The following LSM14A variants were observed in gnomAD, a reference collection of about 807,000 sequenced individuals.
The protein encoded by LSM14A is LSM14A mRNA processing body assembly factor.
A neutral mutation model predicts 52.4 loss-of-function variants in LSM14A; 14 were observed. That is an observed-to-expected ratio of 0.27 (90% confidence interval 0.18 to 0.42). The LOEUF (loss-of-function observed/expected upper bound fraction) is 0.42, where lower values mean the gene tolerates loss of function less well. Ranked by LOEUF, LSM14A falls within the 10% of genes least tolerant of loss-of-function variation. The pLI is 1.00. For synonymous variants in LSM14A, 185 were observed against 200.3 expected (o/e 0.92, Z 0.64); for missense variants, 417 against 581.8 (o/e 0.72, Z 2.91).
intron 1 of LSM14A, among the ~76,000 whole-genome samples, chr19:34,192,316 G>GTTTTTTTTTTTTTTTTTTTTTTTTTTTTT (rs1306000214): frequency 3.3e-4 from 22 of 65,768 alleles, no homozygotes; most frequent in Non-Finnish European, 4.9e-4. Flanking sequence ...CATTCTTTTT[G>GTTTTTTTTTTTTTTTTTTTTTTTTTTTTT]TTGTTTTTTT....
intron 3 of LSM14A, chr19:34,208,684 T>TA (rs2071892413): frequency 5.7e-6 from 2 of 353,480 alleles, no homozygotes; most frequent in Non-Finnish European, 1.0e-5. Flanking sequence ...CTCCATGTGT[T>TA]ATAAACATTG....
At chr19:34,175,074 A>G (rs1288345610) in intron 1 of LSM14A, among the ~76,000 whole-genome samples, 1 of 152,214 alleles carries the variant, frequency 6.6e-6, no homozygotes, top group Non-Finnish European at 1.5e-5. Flanking sequence ...AGTTAAATTC[A>G]TATGACATAA....
chr19:34,198,906 G>A (rs2071075238), intron 3 of LSM14A, among the ~76,000 whole-genome samples: 1 of 151,870 alleles, frequency 6.6e-6, no homozygotes, highest in Admixed American at 6.6e-5. Context: ...AGCATGGCGT[G>A]AACCCAGGAG....
intron 5 of LSM14A, 92 bp from the exon 6 acceptor site, chr19:34,215,504 T>C: frequency 1.6e-6 from 2 of 1,239,436 alleles, no homozygotes; most frequent in East Asian, 2.3e-5. Context: ...TTGTTTTGGG[T>C]TTTTTGGTTT....
Position 34,227,500 on chromosome 19 carries a change from A to G in LSM14A, c.*112A>G. 1.2e-6 allele frequency: 1 copy of G among 803,094 alleles called. No homozygotes were observed. Among genetic ancestry groups the G allele is most frequent in the South Asian group, 2.0e-5 (1 of 51,166 alleles). The allele number at this position is 803,094 out of a possible 1,614,324, so 49.7% of individuals were successfully genotyped here. On this transcript the variant is annotated 3_prime_UTR_variant, in exon 10 of 10. Coordinates refer to ENST00000544216, the MANE Select transcript of LSM14A (RefSeq NM_015578.4). ...GTGAATTCGCTGTACATTTGTCACC[A>G]GCACTGGGTTTTTGTTTTTTGTTTG...
intron 4 of LSM14A, among the ~76,000 whole-genome samples, chr19:34,210,054 A>G (rs2072020030): frequency 6.6e-6 from 1 of 151,804 alleles, no homozygotes; most frequent in South Asian, 2.1e-4. Flanking sequence ...AGAAATGGGT[A>G]TTTTTGGCTC....
intron 1 of LSM14A, among the ~76,000 whole-genome samples, chr19:34,188,957 T>C (rs947383035): frequency 6.6e-6 from 1 of 152,176 alleles, no homozygotes; most frequent in African/African-American, 2.4e-5. Context: ...TACAAGTTTC[T>C]GTGTGAACAT....
chr19:34,226,474 A>C (rs1375221973), intron 9 of LSM14A: 1 of 1,523,666 alleles, frequency 6.6e-7, no homozygotes, highest in Non-Finnish European at 8.8e-7. Flanking sequence ...GGTAAAAAAA[A>C]CAAATACTTT....
chr19:34,196,643 G>T lies in LSM14A; in HGVS notation c.295G>T (p.Gly99Cys). The T allele has an allele frequency of 6.2e-7, 1 of 1,610,452 alleles. No homozygotes were observed. Among genetic ancestry groups the T allele is most frequent in the Non-Finnish European group, 8.5e-7 (1 of 1,178,914 alleles). The change falls in exon 3 of 10, where the codon GGC (glycine) becomes TGC (cysteine). Residue 99 changes from glycine (G) to cysteine (C), a missense_variant. Physicochemically the swap from Gly to Cys is radical, Grantham distance 159. Coordinates refer to ENST00000544216, the MANE Select transcript of LSM14A (RefSeq NM_015578.4). The stretch of plus-strand genomic sequence containing the variant: ...CATGATTTTCCTTCAGTCCTCACTA[G>T]GCTCATCGACTTCTTCATTCCAGTC... ...QDPAIVQSSL[G>C]SSTSSFQSMG... is the part of the protein sequence containing the mutation.
chr19:34,220,922 T>C (rs2073015850), intron 8 of LSM14A, among the ~76,000 whole-genome samples: 1 of 152,224 alleles, frequency 6.6e-6, no homozygotes, highest in Non-Finnish European at 1.5e-5. Context: ...AATCTCATTA[T>C]ATCTGAATTT....
At position 34,192,316 on chromosome 19, in the gene LSM14A, G is replaced by GGTTTTTTT. The variant is rs1341848304; in HGVS notation, c.122-2162_122-2161insGTTTTTTT. On this transcript the variant is annotated intron_variant, in intron 1 of 9. Transcript: ENST00000544216. ...TTTACACTGAAATAACATTCTTTTTGTTGTTTTTTTTTTTTTTTTTTTTTT... is the reference window on the plus strand; with the variant it reads ...TTTACACTGAAATAACATTCTTTTTGGTTTTTTTTTGTTTTTTTTTTTTTTTTTTTTTT... Among the ~76,000 whole-genome samples the GGTTTTTTT allele has an allele frequency of 7.6e-5, 5 of 65,782 alleles. No individual in the cohort carries two copies. In the South Asian group the frequency reaches 1.3e-3, roughly 18 times the overall value. The allele number at this position is 65,782 out of a possible 152,430, so 43.2% of individuals were successfully genotyped here. A position where few individuals can be genotyped will look rare whatever the true frequency, so the allele number is the denominator to read the frequency against.
intron 1 of LSM14A, among the ~76,000 whole-genome samples, chr19:34,179,320 T>TGACTA (rs1446404672): frequency 6.6e-6 from 1 of 152,240 alleles, no homozygotes; most frequent in African/African-American, 2.4e-5. Flanking sequence ...CATAAACTAT[T>TGACTA]ACCTTATTGG....
At chr19:34,213,719 G>C (rs2072339930) in intron 4 of LSM14A, among the ~76,000 whole-genome samples, 1 of 152,170 alleles carries the variant, frequency 6.6e-6, no homozygotes. Context: ...GCTGTGACCA[G>C]GCGACCTCAT....
At chr19:34,219,177 A>C (rs919613987) in intron 6 of LSM14A, among the ~76,000 whole-genome samples, 3 of 152,200 alleles carry the variant, frequency 2.0e-5, no homozygotes, top group Non-Finnish European at 4.4e-5. Flanking sequence ...ATGTTTAGAA[A>C]TTTTGTGTGA....
chr19:34,197,215 C>G (rs2070909121), intron 3 of LSM14A, among the ~76,000 whole-genome samples: 1 of 151,848 alleles, frequency 6.6e-6, no homozygotes, highest in Admixed American at 6.6e-5. Flanking sequence ...CCTCAGCCTC[C>G]CAGATAGCTG....
intron 4 of LSM14A, among the ~76,000 whole-genome samples, chr19:34,209,572 A>G (rs1296448862): frequency 6.6e-6 from 1 of 152,250 alleles, no homozygotes; most frequent in Non-Finnish European, 1.5e-5. Context: ...TTATATTTTA[A>G]TAAGCTTCTT....
chr19:34,177,216 C>T (rs1211942684), intron 1 of LSM14A, among the ~76,000 whole-genome samples: 3 of 152,116 alleles, frequency 2.0e-5, no homozygotes, highest in Non-Finnish European at 2.9e-5. Context: ...AGAAGTTCTT[C>T]ATTTTAATGT....
rs1431538363 is a variant in LSM14A, at chr19:34,228,229, ATTAT to A, written c.*844_*847del. On this transcript the variant is annotated 3_prime_UTR_variant, in exon 10 of 10. Transcript: ENST00000544216. ...TGGAACATAAATGAAGATTTGATAC[ATTAT>A]TTCATTATCTAAAAAGGATTAATTA... 1.3e-5 allele frequency: 2 copies of A among 152,598 alleles called. No individual in the cohort carries two copies. Among genetic ancestry groups the A allele is most frequent in the Admixed American group, 6.5e-5 (1 of 15,272 alleles). The allele number at this position is 152,598 out of a possible 1,614,324, so 9.5% of individuals were successfully genotyped here. A position where few individuals can be genotyped will look rare whatever the true frequency, so the allele number is the denominator to read the frequency against.
At chr19:34,226,508 T>C (rs2073356945) in intron 9 of LSM14A, 1 of 1,463,012 alleles carries the variant, frequency 6.8e-7, no homozygotes, top group Admixed American at 2.6e-5. Context: ...GTTGGCTTTG[T>C]GGGGGACAGC....
Sources: gnomAD v4.1 joint callset for allele counts (sites outside exome capture counted in the v4.1 genomes callset) on GRCh38, gnomAD v4.1.1 for gene constraint, MANE v1.5 for transcripts, NCBI Gene and HGNC (gene_info 2026-07-23, HGNC 2026-07-21) for gene names.